The following WDR47 variants were observed in gnomAD, a reference collection of about 807,000 sequenced individuals.
The protein encoded by WDR47 is WD repeat domain 47, also known as WD repeat-containing protein 47.
A neutral mutation model predicts 97.2 loss-of-function variants in WDR47; 32 were observed. The ratio of observed to expected loss-of-function variants is 0.33; its 90% CI spans 0.25 to 0.44. The LOEUF is 0.44. WDR47 is among the 20% of genes least tolerant of loss of function. The probability of loss-of-function intolerance (pLI) is 1.00; values close to 1 mark genes in which losing one functional copy is unlikely to be tolerated. For synonymous variants in WDR47, 375 were observed against 373.5 expected (o/e 1.00, Z -0.05); for missense variants, 782 against 1,102.3 (o/e 0.71, Z 4.11).
intron 7 of WDR47, among the ~76,000 whole-genome samples, chr1:108,997,356 T>C (rs973732358): frequency 4.0e-5 from 6 of 148,782 alleles, no homozygotes; most frequent in South Asian, 4.2e-4. Context: ...GGTGGAAGGA[T>C]TGCCTGGGCC....
intron 5 of WDR47, among the ~76,000 whole-genome samples, chr1:109,008,037 G>C (rs1407752659): frequency 6.6e-6 from 1 of 151,866 alleles, no homozygotes; most frequent in Non-Finnish European, 1.5e-5. Flanking sequence ...AGGAGGCAGA[G>C]GTTGCAGTGA....
chr1:109,003,293 C>A (rs1379503229), intron 6 of WDR47, among the ~76,000 whole-genome samples: 1 of 152,084 alleles, frequency 6.6e-6, no homozygotes, highest in Non-Finnish European at 1.5e-5. Flanking sequence ...CCCTTCAGCT[C>A]TCTCAATATT....
chr1:109,017,716 C>A, intron 2 of WDR47, 115 bp from the exon 3 acceptor site: 1 of 782,362 alleles, frequency 1.3e-6, no homozygotes, highest in Non-Finnish European at 2.0e-6. Flanking sequence ...ATGAGATTAA[C>A]ATTTTATTTG....
rs1208563292 is a variant in WDR47, at chr1:109,002,505, T to C, written c.1255-103A>G. 6 of 945,948 alleles carry C rather than the reference T, an allele frequency of 6.3e-6. No individual in the cohort carries two copies. The African/African-American group carries it at 6.7e-5, about 11-fold the overall frequency. 58.6% of individuals were successfully genotyped at this position (945,948 alleles called of 1,614,324 possible). A position where few individuals can be genotyped will look rare whatever the true frequency, so the allele number is the denominator to read the frequency against. On this transcript the variant is annotated intron_variant, in intron 6 of 14. Coordinates refer to ENST00000369962, the MANE Select transcript of WDR47 (RefSeq NM_001142551.2). ...GCTGAATAAAATATACAATTAGCTA[T>C]ATTTAACAATCACAAAATACTTAAT...
At chr1:109,022,020 G>A (rs1161115816) in intron 2 of WDR47, among the ~76,000 whole-genome samples, 1 of 151,784 alleles carries the variant, frequency 6.6e-6, no homozygotes, top group Non-Finnish European at 1.5e-5. Context: ...GCTAATTTTT[G>A]TATTTTTAGT....
At chr1:109,008,284 G>A (rs899946747) in intron 5 of WDR47, among the ~76,000 whole-genome samples, 1 of 145,780 alleles carries the variant, frequency 6.9e-6, no homozygotes, top group Non-Finnish European at 1.5e-5. Context: ...TTTTTTTTTT[G>A]GAGTGAGATG....
At position 108,991,236 on chromosome 1, in the gene WDR47, C is replaced by A; in HGVS notation, c.1767+18G>T. 1 of 1,595,192 alleles carries A rather than the reference C, an allele frequency of 6.3e-7. No homozygotes were observed. The highest frequency in any genetic ancestry group is 8.5e-7 in the Non-Finnish European group (1 of 1,172,186). On this transcript the variant is annotated intron_variant, in intron 9 of 14. Coordinates refer to ENST00000369962, the MANE Select transcript of WDR47 (RefSeq NM_001142551.2). ...GGTGCATATGAAAACAATAAAACTT[C>A]CTTCCCCAAAGTATTACCTCTTCCC...
chr1:109,023,627 CAT>C, intron 1 of WDR47, 106 bp from the exon 2 acceptor site: 1 of 1,139,590 alleles, frequency 8.8e-7, no homozygotes, highest in African/African-American at 1.5e-5. Flanking sequence ...CTTTAGTACA[CAT>C]ATTCTGAAGT....
rs1461032881 is a variant in WDR47 at position 108,981,742 on chromosome 1, G to A, written c.2389C>T (p.His797Tyr). Residue 797 changes from histidine to tyrosine, a missense_variant, in exon 13 of 15, where the codon CAT (histidine) becomes TAT (tyrosine). His to Tyr is a moderately conservative substitution (Grantham distance 83, BLOSUM62 2). Transcript: ENST00000369962. ...TTAAAGAAAAACCTACCAGTTCCAT[G>A]AAATGTTGTGCCAACAACACGAACA... is the stretch of plus-strand genomic sequence containing the variant. ...SCVRVVGTTF[H>Y]GTGSAVASVA... The A allele has an allele frequency of 6.2e-7, 1 of 1,611,690 alleles. No homozygotes were observed. The highest frequency in any genetic ancestry group is 1.7e-5 in the Admixed American group (1 of 59,656).
chr1:109,002,808 C>A (rs1660317363), intron 6 of WDR47, among the ~76,000 whole-genome samples: 1 of 152,084 alleles, frequency 6.6e-6, no homozygotes, highest in Admixed American at 6.6e-5. Flanking sequence ...CTTACCCCAG[C>A]CAGAATGGCC....
intron 1 of WDR47, among the ~76,000 whole-genome samples, chr1:109,029,041 C>T (rs1662428788): frequency 6.6e-6 from 1 of 151,984 alleles, no homozygotes; most frequent in Admixed American, 6.6e-5. Flanking sequence ...TGTCTGGAAA[C>T]CAGCTAGAAG....
intron 6 of WDR47, among the ~76,000 whole-genome samples, chr1:109,002,899 T>G (rs998457454): frequency 2.6e-5 from 4 of 152,160 alleles, no homozygotes; most frequent in African/African-American, 9.7e-5. Flanking sequence ...TATAAATTAG[T>G]ACAGTCTCTA....
intron 8 of WDR47, 104 bp from the exon 9 acceptor site, chr1:108,991,433 T>G: frequency 1.1e-6 from 1 of 922,378 alleles, no homozygotes; most frequent in Non-Finnish European, 1.7e-6. Context: ...CAAACAATCC[T>G]AGCTGACTCC....
At chr1:109,004,771 T>C (rs1660469421) in intron 5 of WDR47, 56 bp from the exon 6 acceptor site, 4 of 1,519,684 alleles carry the variant, frequency 2.6e-6, no homozygotes, top group Admixed American at 2.3e-5. Flanking sequence ...TAAAGGAAAA[T>C]ATATTTTAGT....
intron 3 of WDR47, 99 bp from the exon 4 acceptor site, chr1:109,014,024 A>C: frequency 1.2e-6 from 1 of 803,056 alleles, no homozygotes; most frequent in East Asian, 2.5e-5. Flanking sequence ...AAATTATTCA[A>C]ATAATTTACT....
intron 7 of WDR47, among the ~76,000 whole-genome samples, chr1:109,000,867 T>C: frequency 6.6e-6 from 1 of 152,216 alleles, no homozygotes; most frequent in Non-Finnish European, 1.5e-5. Flanking sequence ...ATTGTAATCA[T>C]GACAATAGCC....
chr1:109,006,897 A>G (rs1389353387), intron 5 of WDR47, among the ~76,000 whole-genome samples: 2 of 152,118 alleles, frequency 1.3e-5, no homozygotes, highest in East Asian at 1.9e-4. Flanking sequence ...TAGCAGTTCA[A>G]TCATATTGTA....
chr1:109,000,508 CAAAAA>C (rs71069634), intron 7 of WDR47, among the ~76,000 whole-genome samples: 3 of 70,512 alleles, frequency 4.3e-5, no homozygotes, highest in Non-Finnish European at 7.2e-5. Context: ...GACTCTGTCT[CAAAAA>C]AAAAAAAAAA....
Position 108,983,317 on chromosome 1 carries a change from A to G in WDR47, c.2060T>C (p.Val687Ala). The change falls in exon 11 of 15, where the codon GTG becomes GCG. Residue 687 changes from valine (V) to alanine (A), a missense_variant. Physicochemically the swap from Val to Ala is moderately conservative, Grantham distance 64 (BLOSUM62 0). Transcript: ENST00000369962. Reference sequence around the variant, plus strand: ...ACAAGTCTCTGCATTGAAGGGCAGCACTTTGACGTATTTGTCATTTGATCC... The same window carrying G: ...ACAAGTCTCTGCATTGAAGGGCAGCGCTTTGACGTATTTGTCATTTGATCC... ...ATGSNDKYVK[V>A]LPFNAETCNA... is the part of the protein sequence containing the mutation. 6.2e-7 allele frequency: 1 copy of G among 1,612,574 alleles called. No homozygotes were observed. Among genetic ancestry groups the G allele is most frequent in the South Asian group, 1.1e-5 (1 of 90,848 alleles).
Sources: gnomAD v4.1 joint callset for allele counts (sites outside exome capture counted in the v4.1 genomes callset) on GRCh38, gnomAD v4.1.1 for gene constraint, MANE v1.5 for transcripts, NCBI Gene and HGNC (gene_info 2026-07-23, HGNC 2026-07-21) for gene names.